PGBD2: variants seen among roughly 807,000 people sequenced by gnomAD.
PGBD2 encodes the protein piggyBac transposable element-derived protein 2.
PGBD2 carries 6 observed loss-of-function variants against 8.1 expected under a neutral mutation model. That is an observed-to-expected ratio of 0.74 (90% CI 0.40 to 1.46). PGBD2 has a LOEUF of 1.46. Ranked by LOEUF, PGBD2 falls within the 40% of genes most tolerant of loss-of-function variation. The probability of loss-of-function intolerance (pLI) is 0.02; values close to 1 mark genes in which losing one functional copy is unlikely to be tolerated. For synonymous variants in PGBD2, 318 were observed against 272.2 expected (o/e 1.17, Z -1.66); for missense variants, 802 against 739.0 (o/e 1.09, Z -0.99).
intron 1 of PGBD2, among the ~76,000 whole-genome samples, chr1:248,911,736 C>T (rs1661893134): frequency 6.6e-6 from 1 of 150,618 alleles, no homozygotes; most frequent in Admixed American, 6.6e-5. Flanking sequence ...GGGCGGCTGG[C>T]CGGGCGGGGG....
chr1:248,888,335 C>T, the PGBD2 span, among the ~76,000 whole-genome samples: 2 of 152,296 alleles, frequency 1.3e-5, no homozygotes, highest in South Asian at 4.1e-4. Context: ...CTCCTAACTG[C>T]TTTCCACAGG....
the PGBD2 span, among the ~76,000 whole-genome samples, chr1:248,930,002 A>T: frequency 6.6e-6 from 1 of 152,118 alleles, no homozygotes; most frequent in Admixed American, 6.5e-5. Context: ...GACCTGGGAG[A>T]TGTGGCTGCA....
chr1:248,929,549 A>T, the PGBD2 span, among the ~76,000 whole-genome samples: 1 of 152,196 alleles, frequency 6.6e-6, no homozygotes, highest in South Asian at 2.1e-4. Context: ...CCGAGTCAGG[A>T]GCGTCTCCCC....
the PGBD2 span, among the ~76,000 whole-genome samples, chr1:248,928,084 T>C: frequency 6.6e-6 from 1 of 152,188 alleles, no homozygotes. Context: ...TTTGTTGTTG[T>C]TTGCTTTTTT....
Position 248,918,158 on chromosome 1 carries a change from T to C in PGBD2, c.1574T>C (p.Leu525Pro). ...CGGAGATACATTGCCTGTGTGTATC[T>C]GGAGAGCAATGCTGACACAACATCT... ...AFRRYIACVY[L>P]ESNADTTSQG... Residue 525 changes from leucine to proline, a missense_variant, in exon 3 of 3, where the codon CTG (leucine) becomes CCG (proline). Transcript: ENST00000329291. 6.2e-7 allele frequency: 1 copy of C among 1,614,200 alleles called. No individual in the cohort carries two copies. The highest frequency in any genetic ancestry group is 8.5e-7 in the Non-Finnish European group (1 of 1,180,032).
chr1:248,926,548 A>G, the PGBD2 span, among the ~76,000 whole-genome samples: 7 of 152,192 alleles, frequency 4.6e-5, no homozygotes, highest in Admixed American at 6.5e-5. Flanking sequence ...TAGTTTTATC[A>G]ACAGAGCTAG....
At chr1:248,910,922 G>A (rs1444508573) in intron 1 of PGBD2, among the ~76,000 whole-genome samples, 1 of 151,964 alleles carries the variant, frequency 6.6e-6, no homozygotes, top group Non-Finnish European at 1.5e-5. Flanking sequence ...AATTTGATGA[G>A]TTTCGGCATG....
At chr1:248,921,412 G>T (rs552368497), downstream of PGBD2, among the ~76,000 whole-genome samples, 157 of 152,308 alleles carry the variant, frequency 1.0e-3, no homozygotes, top group Non-Finnish European at 6.2e-4. Flanking sequence ...ACCATTGCTT[G>T]TTTTTGTCAG....
At chr1:248,928,892 C>T in the PGBD2 span, among the ~76,000 whole-genome samples, 2 of 152,156 alleles carry the variant, frequency 1.3e-5, no homozygotes, top group Non-Finnish European at 2.9e-5. Context: ...AAAGATGAGG[C>T]AAAGCCAGAC....
the PGBD2 span, among the ~76,000 whole-genome samples, chr1:248,929,894 C>G: frequency 6.2e-4 from 95 of 152,106 alleles, 2 homozygotes; most frequent in Non-Finnish European, 1.1e-3. Context: ...AGGACTCTGT[C>G]CATTCTAGGA....
the PGBD2 span, among the ~76,000 whole-genome samples, chr1:248,892,612 C>T: frequency 3.3e-5 from 5 of 152,160 alleles, no homozygotes; most frequent in East Asian, 1.9e-4. Flanking sequence ...TTAACTTCTC[C>T]TTTGGCATAA....
chr1:248,885,293 T>C, the PGBD2 span, among the ~76,000 whole-genome samples: 6 of 150,470 alleles, frequency 4.0e-5, no homozygotes, highest in African/African-American at 1.5e-4. Flanking sequence ...AGCCACGATG[T>C]CTGGCTACTT....
chr1:248,892,963 A>G, the PGBD2 span, among the ~76,000 whole-genome samples: 61 of 152,322 alleles, frequency 4.0e-4, no homozygotes, highest in Non-Finnish European at 6.8e-4. Context: ...TTGCTTGGAA[A>G]ACTAAGCACT....
At chr1:248,922,292 C>T (rs948679827), downstream of PGBD2, among the ~76,000 whole-genome samples, 1 of 152,096 alleles carries the variant, frequency 6.6e-6, no homozygotes, top group Non-Finnish European at 1.5e-5. Context: ...ATCTCCTGAC[C>T]TCGTGATCCA....
In PGBD2 at chr1:248,918,101, G is replaced by T; in HGVS notation, c.1517G>T (p.Cys506Phe). 5 of 1,614,230 alleles carry T rather than the reference G, an allele frequency of 3.1e-6. No homozygotes were observed. The highest frequency in any genetic ancestry group is 4.2e-6 in the Non-Finnish European group (5 of 1,180,042). ...GCATGGCAGCTGCATAGAATCTGCT[G>T]CCAAGATGCCCAGGTGGACCTCCTT... ...NNAWQLHRICCQDAQVDLLAF... is the reference protein window; with the variant it reads ...NNAWQLHRICFQDAQVDLLAF... Residue 506 changes from cysteine (C) to phenylalanine (F), a missense_variant, in exon 3 of 3, where the codon TGC becomes TTC. Coordinates refer to ENST00000329291, the MANE Select transcript of PGBD2 (RefSeq NM_170725.3).
chr1:248,875,556 T>C, the PGBD2 span, among the ~76,000 whole-genome samples: 2 of 152,212 alleles, frequency 1.3e-5, no homozygotes, highest in East Asian at 3.8e-4. Flanking sequence ...TTGGGAAGCC[T>C]GTGAAAAATA....
chr1:248,879,934 C>G, the PGBD2 span, among the ~76,000 whole-genome samples: 1 of 152,114 alleles, frequency 6.6e-6, no homozygotes, highest in Non-Finnish European at 1.5e-5. Context: ...TCCAAATGCT[C>G]TAACAACTGC....
Position 248,917,042 on chromosome 1 carries a change from C to A in PGBD2, c.458C>A (p.Thr153Lys). 6.2e-7 allele frequency: 1 copy of A among 1,613,658 alleles called. No individual in the cohort carries two copies. Among genetic ancestry groups the A allele is most frequent in the Non-Finnish European group, 8.5e-7 (1 of 1,179,946 alleles). ...GLFELFFDEG[T>K]INFIVNETNR... The stretch of plus-strand genomic sequence containing the variant: ...TTTGAGTTGTTTTTTGATGAAGGAA[C>A]AATTAATTTCATTGTTAATGAAACC... Residue 153 changes from threonine (T) to lysine (K), a missense_variant, in exon 3 of 3, where the codon ACA becomes AAA. Thr to Lys is a moderately conservative substitution (Grantham distance 78). Coordinates refer to ENST00000329291, the MANE Select transcript of PGBD2 (RefSeq NM_170725.3).
At chr1:248,928,138 G>T in the PGBD2 span, among the ~76,000 whole-genome samples, 8 of 152,062 alleles carry the variant, frequency 5.3e-5, no homozygotes, top group African/African-American at 1.7e-4. Flanking sequence ...AGCAGCCTTT[G>T]TCACTTCAAA....
Sources: allele counts gnomAD v4.1 joint callset (sites outside exome capture counted in the v4.1 genomes callset), GRCh38; gene constraint gnomAD v4.1.1; transcripts MANE v1.5; gene names NCBI Gene and HGNC (gene_info 2026-07-23, HGNC 2026-07-21).